The following LINGO1 variants were observed in gnomAD, a reference collection of about 807,000 sequenced individuals.
LINGO1 encodes leucine rich repeat and Ig domain containing 1, also known as leucine-rich repeat and immunoglobulin-like domain-containing nogo receptor-interacting protein 1.
A neutral mutation model predicts 37.3 loss-of-function variants in LINGO1; 11 were observed. The ratio of observed to expected loss-of-function variants is 0.29; its 90% CI spans 0.19 to 0.49. LINGO1 has a LOEUF of 0.49. Among genes scored for constraint, LINGO1 ranks in the 20% least tolerant of loss-of-function variants. The pLI is 0.99. For synonymous variants in LINGO1, 387 were observed against 403.0 expected (o/e 0.96, Z 0.48); for missense variants, 585 against 878.2 (o/e 0.67, Z 4.22).
chr15:77,720,919 C>T (rs868032383), intron 2 of LINGO1, among the ~76,000 whole-genome samples: 4 of 152,042 alleles, frequency 2.6e-5, no homozygotes, highest in Admixed American at 2.0e-4. Context: ...CCTCCACCCA[C>T]GGCTGAAGGA....
intron 1 of LINGO1, among the ~76,000 whole-genome samples, chr15:77,624,446 T>G (rs1256089490): frequency 6.6e-6 from 1 of 152,116 alleles, no homozygotes; most frequent in Admixed American, 6.5e-5. Context: ...CACCCTGCAC[T>G]GAAGGGAGGA....
intron 1 of LINGO1, among the ~76,000 whole-genome samples, chr15:77,782,791 G>A (rs1220015273): frequency 6.6e-6 from 1 of 151,732 alleles, no homozygotes; most frequent in Non-Finnish European, 1.5e-5. Context: ...TCCCCTCAAG[G>A]GTCCCTGCTC....
rs185706602 is a variant in LINGO1, at chr15:77,717,789, C to T, written c.-195+17203G>A. 2.9e-3 allele frequency among the ~76,000 whole-genome samples: 441 copies of T among 150,882 alleles called. 32 individuals carry two copies. Among genetic ancestry groups the T allele is most frequent in the Non-Finnish European group, 4.5e-3 (307 of 67,532 alleles). Reference sequence around the variant, plus strand: ...AGCGGAGGCCCTGCTCAGCACGGCTCAGACCCCATTGGATACCTACAGTCT... The same window carrying T: ...AGCGGAGGCCCTGCTCAGCACGGCTTAGACCCCATTGGATACCTACAGTCT... On this transcript the variant is annotated intron_variant, in intron 2 of 3. Transcript: ENST00000561686.
chr15:77,723,260 C>T (rs1380806397), intron 2 of LINGO1, among the ~76,000 whole-genome samples: 1 of 151,962 alleles, frequency 6.6e-6, no homozygotes, highest in East Asian at 1.9e-4. Flanking sequence ...AGCCCCTTGC[C>T]TTCCTCTGCG....
intron 1 of LINGO1, among the ~76,000 whole-genome samples, chr15:77,782,059 G>C (rs1300774921): frequency 1.3e-5 from 2 of 152,262 alleles, no homozygotes; most frequent in African/African-American, 4.8e-5. Flanking sequence ...AAAACGAGGA[G>C]CAGGTTCAGC....
chr15:77,684,963 G>A lies in LINGO1; in HGVS notation c.-99+5757C>T, dbSNP rs116662532. Among the ~76,000 whole-genome samples the A allele has an allele frequency of 5.6e-3, 855 of 152,012 alleles. 9 individuals are homozygous for A. Among genetic ancestry groups the A allele is most frequent in the African/African-American group, 0.02 (811 of 41,440 alleles). On this transcript the variant is annotated intron_variant, in intron 2 of 3. Transcript: ENST00000559893. ...CTCTGGGTTCTGACTGGGTGAGTGCGCACAGGGTCTCCATGAAGGCAGTGG... is the reference window on the plus strand; with the variant it reads ...CTCTGGGTTCTGACTGGGTGAGTGCACACAGGGTCTCCATGAAGGCAGTGG...
chr15:77,676,732 C>T (rs1333973225), intron 3 of LINGO1, among the ~76,000 whole-genome samples: 3 of 152,328 alleles, frequency 2.0e-5, no homozygotes, highest in Non-Finnish European at 4.4e-5. Flanking sequence ...CCAAGGCACT[C>T]GGCAGGTGTG....
intron 2 of LINGO1, among the ~76,000 whole-genome samples, chr15:77,687,493 G>A (rs1433564080): frequency 6.6e-6 from 1 of 152,214 alleles, no homozygotes; most frequent in Non-Finnish European, 1.5e-5. Flanking sequence ...CTTCTATCCT[G>A]GTTAGGCTGG....
At chr15:77,627,339 G>A (rs2074125837) in intron 1 of LINGO1, among the ~76,000 whole-genome samples, 1 of 152,104 alleles carries the variant, frequency 6.6e-6, no homozygotes, top group Admixed American at 6.5e-5. Flanking sequence ...GGCAAAGGGA[G>A]CTGCTCCAAA....
At chr15:77,618,334 C>T (rs2073799986) in intron 1 of LINGO1, among the ~76,000 whole-genome samples, 1 of 152,190 alleles carries the variant, frequency 6.6e-6, no homozygotes, top group East Asian at 1.9e-4. Flanking sequence ...CCCACCAGTC[C>T]CTGAGCAAAG....
At chr15:77,748,157 G>T (rs1315733875) in intron 1 of LINGO1, among the ~76,000 whole-genome samples, 2 of 152,240 alleles carry the variant, frequency 1.3e-5, no homozygotes, top group African/African-American at 4.8e-5. Context: ...CTGGGCCCCA[G>T]CGGGTGTGAA....
At chr15:77,712,672 T>C (rs951297269) in intron 2 of LINGO1, among the ~76,000 whole-genome samples, 9 of 152,268 alleles carry the variant, frequency 5.9e-5, no homozygotes, top group African/African-American at 2.2e-4. Flanking sequence ...CCTTCCTCCA[T>C]GTGACCCATC....
At chr15:77,656,354 C>A (rs2074865506) in intron 3 of LINGO1, among the ~76,000 whole-genome samples, 1 of 152,184 alleles carries the variant, frequency 6.6e-6, no homozygotes, top group Non-Finnish European at 1.5e-5. Context: ...TTTCCACCCC[C>A]TTCCTCTGCC....
At chr15:77,807,314 T>C (rs80138526) in intron 1 of LINGO1, among the ~76,000 whole-genome samples, 4,023 of 152,288 alleles carry the variant, frequency 0.026, 76 homozygotes, top group Middle Eastern at 0.051. Flanking sequence ...AGGGGCTGCT[T>C]CGGATTCATC....
At chr15:77,626,736 G>C (rs1271219565) in intron 1 of LINGO1, among the ~76,000 whole-genome samples, 1 of 152,214 alleles carries the variant, frequency 6.6e-6, no homozygotes, top group Non-Finnish European at 1.5e-5. Context: ...ATTCAGCTCA[G>C]TGTGAGGAAT....
At chr15:77,639,607 G>A (rs996052247) in intron 3 of LINGO1, among the ~76,000 whole-genome samples, 4 of 152,044 alleles carry the variant, frequency 2.6e-5, no homozygotes, top group South Asian at 4.2e-4. Flanking sequence ...TACAGAACAC[G>A]GTACATTCGC....
In LINGO1 at chr15:77,709,849, A is replaced by T. The variant is rs184195802; in HGVS notation, c.-194-18948T>A. On this transcript the variant is annotated intron_variant, in intron 2 of 3. Transcript: ENST00000561686. ...GGTACAGTGAAGGGCAGGGGTAAAC[A>T]CAGGGAAGGTGGGAGCCAACATATC... Among the ~76,000 whole-genome samples the T allele has an allele frequency of 3.3e-5, 5 of 152,310 alleles. No homozygotes were observed. The East Asian group carries it at 9.7e-4, about 29-fold the overall frequency.
At chr15:77,661,432 G>A (rs973427652) in intron 3 of LINGO1, among the ~76,000 whole-genome samples, 2 of 152,200 alleles carry the variant, frequency 1.3e-5, no homozygotes, top group Non-Finnish European at 2.9e-5. Context: ...GAGCCTCCTC[G>A]CTGAGGGTAT....
chr15:77,625,586 T>C (rs569003757), intron 1 of LINGO1, among the ~76,000 whole-genome samples: 10 of 152,322 alleles, frequency 6.6e-5, no homozygotes, highest in African/African-American at 1.9e-4. Context: ...ATGAACCTGT[T>C]TGATCTCCAT....
Sources: allele counts gnomAD v4.1 joint callset (sites outside exome capture counted in the v4.1 genomes callset), GRCh38; gene constraint gnomAD v4.1.1; transcripts MANE v1.5; gene names NCBI Gene and HGNC (gene_info 2026-07-23, HGNC 2026-07-21).